The following GPC5 variants were observed in gnomAD, a reference collection of about 807,000 sequenced individuals.
GPC5 encodes glypican-5.
GPC5 carries 47 observed loss-of-function variants against 53.9 expected under a neutral mutation model. That is an observed-to-expected ratio of 0.87 (90% confidence interval 0.69 to 1.11). The LOEUF is 1.11. GPC5 is among the 50% of genes most tolerant of loss of function. GPC5 has a pLI of 0.00. For missense variants in GPC5, 748 were observed against 713.1 expected, an observed-to-expected ratio of 1.05 and a Z score of -0.56; for synonymous variants, 286 against 263.3, an observed-to-expected ratio of 1.09 and a Z score of -0.84.
At chr13:92,456,747 C>A (rs1878281790) in intron 7 of GPC5, among the ~76,000 whole-genome samples, 1 of 152,164 alleles carries the variant, frequency 6.6e-6, no homozygotes. Flanking sequence ...CTCTGTCATC[C>A]TTTTCTGTAT....
intron 5 of GPC5, among the ~76,000 whole-genome samples, chr13:91,871,499 TA>T (rs1223475771): frequency 1.3e-5 from 2 of 150,862 alleles, no homozygotes; most frequent in African/African-American, 4.9e-5. Context: ...CCCCAAAATC[TA>T]AAAAAAAGGT....
chr13:91,529,235 A>C (rs1280752410), intron 2 of GPC5, among the ~76,000 whole-genome samples: 1 of 152,216 alleles, frequency 6.6e-6, no homozygotes, highest in African/African-American at 2.4e-5. Context: ...TGCCTTCATA[A>C]AAATTAAGAG....
rs945817155 is a variant in GPC5, at chr13:92,751,735, T to A, written c.1562-114547T>A. Among the ~76,000 whole-genome samples, 4 of 138,816 alleles carry A rather than the reference T, an allele frequency of 2.9e-5. No individual in the cohort carries two copies. The East Asian group carries it at 1.1e-3, about 37-fold the overall frequency. The allele number at this position is 138,816 out of a possible 152,430, so 91.1% of individuals were successfully genotyped here. A position where few individuals can be genotyped will look rare whatever the true frequency, so the allele number is the denominator to read the frequency against. On this transcript the variant is annotated intron_variant, in intron 7 of 7. Coordinates refer to ENST00000377067, the MANE Select transcript of GPC5 (RefSeq NM_004466.6). ...ACGTTGTGCACATGTACCCTAGAAC[T>A]TAAAGTATAAAAAAAAATAAAAAAT...
At chr13:91,741,367 G>C (rs2140069568) in intron 4 of GPC5, among the ~76,000 whole-genome samples, 1 of 152,270 alleles carries the variant, frequency 6.6e-6, no homozygotes, top group African/African-American at 2.4e-5. Context: ...AGAAAGCAAA[G>C]AGGACACTTG....
At chr13:91,996,942 T>A (rs1357216084) in intron 6 of GPC5, among the ~76,000 whole-genome samples, 1 of 152,116 alleles carries the variant, frequency 6.6e-6, no homozygotes, top group Non-Finnish European at 1.5e-5. Flanking sequence ...TTGTCTCTTC[T>A]ATTAATTATA....
chr13:92,785,677 A>C (rs1306465991), intron 7 of GPC5, among the ~76,000 whole-genome samples: 7 of 152,224 alleles, frequency 4.6e-5, no homozygotes, highest in African/African-American at 1.2e-4. Flanking sequence ...TAGTCTATGA[A>C]AAGGTGCTAT....
intron 7 of GPC5, among the ~76,000 whole-genome samples, chr13:92,803,533 T>C (rs1325039836): frequency 2.0e-5 from 3 of 152,080 alleles, no homozygotes; most frequent in Non-Finnish European, 4.4e-5. Flanking sequence ...GGAGAATTAC[T>C]ATAGAAATCT....
chr13:92,574,310 C>G (rs556096300), intron 7 of GPC5, among the ~76,000 whole-genome samples: 1 of 152,150 alleles, frequency 6.6e-6, no homozygotes, highest in African/African-American at 2.4e-5. Flanking sequence ...CATCTAGAAA[C>G]TCATTTAATC....
intron 6 of GPC5, among the ~76,000 whole-genome samples, chr13:92,078,339 G>C (rs570367098): frequency 6.6e-6 from 1 of 152,224 alleles, no homozygotes; most frequent in East Asian, 1.9e-4. Context: ...ATGCTACTGC[G>C]ACTCTTATTC....
chr13:91,595,193 A>G (rs1333640947), intron 2 of GPC5, among the ~76,000 whole-genome samples: 2 of 151,208 alleles, frequency 1.3e-5, no homozygotes, highest in Non-Finnish European at 2.9e-5. Context: ...AAATTTTTGT[A>G]TTTTTAGTAG....
At chr13:92,334,856 G>T (rs1163999755) in intron 7 of GPC5, among the ~76,000 whole-genome samples, 1 of 152,112 alleles carries the variant, frequency 6.6e-6, no homozygotes, top group East Asian at 1.9e-4. Context: ...TGATGCAAAA[G>T]GTGGGTTCCC....
In GPC5 at chr13:92,140,450, T is replaced by C. The variant is rs1417709365; in HGVS notation, c.1402-4380T>C. 3.3e-5 allele frequency among the ~76,000 whole-genome samples: 5 copies of C among 152,330 alleles called. No homozygotes were observed. The East Asian group carries it at 9.6e-4, about 29-fold the overall frequency. On this transcript the variant is annotated intron_variant, in intron 6 of 7. Transcript: ENST00000377067. ...AATTTTCTTAGGTACATTTAGAAAT[T>C]GTGAGACAAATCTCATATAGACAAG... is the stretch of plus-strand genomic sequence containing the variant.
intron 7 of GPC5, among the ~76,000 whole-genome samples, chr13:92,600,152 T>G (rs547181196): frequency 6.6e-6 from 1 of 152,226 alleles, no homozygotes; most frequent in Non-Finnish European, 1.5e-5. Context: ...CATGTGTTTT[T>G]CAAGTGTCTT....
intron 7 of GPC5, among the ~76,000 whole-genome samples, chr13:92,724,912 A>ACACACACACT (rs1555306824): frequency 8.0e-6 from 1 of 124,704 alleles, no homozygotes; most frequent in African/African-American, 3.0e-5. Context: ...ACACACACAC[A>ACACACACACT]AGAAAGAAAA....
chr13:91,450,099 G>A (rs12184850), intron 2 of GPC5, among the ~76,000 whole-genome samples: 45 of 152,138 alleles, frequency 3.0e-4, no homozygotes, highest in African/African-American at 1.1e-3. Context: ...TAAAATTTAA[G>A]TTAAAGTGTA....
intron 7 of GPC5, among the ~76,000 whole-genome samples, chr13:92,157,565 A>G (rs1414824065): frequency 6.6e-6 from 1 of 152,218 alleles, no homozygotes; most frequent in Non-Finnish European, 1.5e-5. Context: ...TTAAATCTCA[A>G]ATGGGAAGAG....
chr13:92,383,161 C>T (rs2139310780), intron 7 of GPC5, among the ~76,000 whole-genome samples: 1 of 152,256 alleles, frequency 6.6e-6, no homozygotes, highest in South Asian at 2.1e-4. Flanking sequence ...CTTCATCTGT[C>T]ATTTCATTTC....
chr13:91,600,577 G>T (rs889654309), intron 2 of GPC5, among the ~76,000 whole-genome samples: 30 of 151,840 alleles, frequency 2.0e-4, no homozygotes, highest in African/African-American at 7.0e-4. Context: ...ATGTTTATGA[G>T]AATCAAAAAG....
At chr13:91,840,585 T>C (rs997081196) in intron 5 of GPC5, among the ~76,000 whole-genome samples, 1 of 151,976 alleles carries the variant, frequency 6.6e-6, no homozygotes, top group African/African-American at 2.4e-5. Flanking sequence ...AAACTGGCCC[T>C]GTTTGTTCCC....
Sources: gnomAD v4.1 joint callset for allele counts (sites outside exome capture counted in the v4.1 genomes callset) on GRCh38, gnomAD v4.1.1 for gene constraint, MANE v1.5 for transcripts, NCBI Gene and HGNC (gene_info 2026-07-23, HGNC 2026-07-21) for gene names.